C10orf90: variants seen among roughly 807,000 people sequenced by gnomAD.
C10orf90 encodes chromosome 10 open reading frame 90.
In C10orf90, 56 loss-of-function variants were observed where a neutral mutation model predicts 62.5. The ratio of observed to expected loss-of-function variants is 0.90; its 90% CI spans 0.72 to 1.12. The LOEUF (loss-of-function observed/expected upper bound fraction) is 1.12, where lower values mean the gene tolerates loss of function less well. Among genes scored for constraint, C10orf90 ranks in the 50% most tolerant of loss-of-function variants. C10orf90 has a pLI of 0.00. For missense variants in C10orf90, 970 were observed against 880.4 expected (o/e 1.10, Z -1.29); for synonymous variants, 386 against 340.4 (o/e 1.13, Z -1.47).
At chr10:126,498,857 G>A (rs529070934) in intron 4 of C10orf90, among the ~76,000 whole-genome samples, 32 of 152,294 alleles carry the variant, frequency 2.1e-4, no homozygotes, top group African/African-American at 3.9e-4. Flanking sequence ...TGACTGCACC[G>A]CAGAACACCT....
At chr10:126,551,530 A>AG (rs1478218265) in intron 2 of C10orf90, among the ~76,000 whole-genome samples, 1 of 151,756 alleles carries the variant, frequency 6.6e-6, no homozygotes, top group Non-Finnish European at 1.5e-5. Context: ...TGAGTGTGGG[A>AG]AAAAAAAATT....
At chr10:126,580,538 A>AGCTACTC (rs1440535268) in intron 2 of C10orf90, among the ~76,000 whole-genome samples, 1 of 151,856 alleles carries the variant, frequency 6.6e-6, no homozygotes. Flanking sequence ...CTGTAGTCCC[A>AGCTACTC]GCTACTCGGG....
At chr10:126,513,776 G>T (rs2133919017) in intron 3 of C10orf90, 72 bp downstream of exon 3, 1 of 917,646 alleles carries the variant, frequency 1.1e-6, no homozygotes, top group Non-Finnish European at 1.8e-6. Flanking sequence ...CACATCACAA[G>T]TAGGTCAGTG....
intron 2 of C10orf90, among the ~76,000 whole-genome samples, chr10:126,544,274 G>A (rs1864440432): frequency 6.6e-6 from 1 of 152,158 alleles, no homozygotes; most frequent in Admixed American, 6.5e-5. Flanking sequence ...GACCATGACT[G>A]TAAATATCAT....
intron 2 of C10orf90, among the ~76,000 whole-genome samples, chr10:126,567,502 G>A (rs1352459036): frequency 6.6e-6 from 1 of 152,072 alleles, no homozygotes; most frequent in Non-Finnish European, 1.5e-5. Context: ...AAACCATATC[G>A]GGAGGCATGA....
chr10:126,509,731 G>C (rs1591041737), intron 3 of C10orf90, among the ~76,000 whole-genome samples: 1 of 152,242 alleles, frequency 6.6e-6, no homozygotes, highest in East Asian at 1.9e-4. Context: ...GGAAACACTG[G>C]CGGACTCTTT....
At chr10:126,581,411 TGACGTG>T (rs879792639) in intron 2 of C10orf90, among the ~76,000 whole-genome samples, 2 of 152,146 alleles carry the variant, frequency 1.3e-5, no homozygotes, top group Non-Finnish European at 2.9e-5. Flanking sequence ...AACGGCCCAG[TGACGTG>T]GACTGCATGC....
chr10:126,592,341 CAG>C (rs759260818), intron 2 of C10orf90, among the ~76,000 whole-genome samples: 5 of 152,154 alleles, frequency 3.3e-5, no homozygotes, highest in Non-Finnish European at 7.3e-5. Flanking sequence ...GGTACAAAAA[CAG>C]AGACATAGAC....
intron 4 of C10orf90, among the ~76,000 whole-genome samples, chr10:126,480,390 G>A (rs17154849): frequency 0.37 from 56,150 of 152,130 alleles, 11,450 homozygotes; most frequent in African/African-American, 0.56. Context: ...TCAGTCTTCT[G>A]TTGGCTTTAA....
At chr10:126,473,671 G>A (rs1380228123) in intron 4 of C10orf90, among the ~76,000 whole-genome samples, 2 of 151,866 alleles carry the variant, frequency 1.3e-5, no homozygotes, top group Non-Finnish European at 2.9e-5. Context: ...CAATAGATAC[G>A]CTCTTACATT....
chr10:126,577,410 CAA>C (rs200713782), intron 2 of C10orf90, among the ~76,000 whole-genome samples: 1 of 144,374 alleles, frequency 6.9e-6, no homozygotes, highest in Non-Finnish European at 1.5e-5. Context: ...GAATAGAAAA[CAA>C]AAAAAAAATC....
intron 4 of C10orf90, among the ~76,000 whole-genome samples, chr10:126,501,641 C>T (rs997564337): frequency 3.3e-5 from 5 of 152,182 alleles, no homozygotes; most frequent in African/African-American, 1.2e-4. Context: ...TATCACTCCT[C>T]CACATTCACT....
At chr10:126,537,471 C>T (rs1469195686) in intron 2 of C10orf90, among the ~76,000 whole-genome samples, 5 of 152,150 alleles carry the variant, frequency 3.3e-5, no homozygotes, top group Admixed American at 6.5e-5. Flanking sequence ...ACAGCTGCTG[C>T]CTGCAGCTAC....
intron 4 of C10orf90, among the ~76,000 whole-genome samples, chr10:126,500,274 T>A (rs1461109875): frequency 6.6e-6 from 1 of 152,160 alleles, no homozygotes; most frequent in Non-Finnish European, 1.5e-5. Context: ...ACCATCTTAA[T>A]TGCCCTGCCT....
intron 2 of C10orf90, among the ~76,000 whole-genome samples, chr10:126,627,871 C>T (rs892217596): frequency 2.6e-5 from 4 of 152,148 alleles, no homozygotes; most frequent in Non-Finnish European, 5.9e-5. Context: ...TATCGGCATG[C>T]GCCTCTGTGC....
chr10:126,637,113 G>A (rs1359147624), intron 2 of C10orf90, among the ~76,000 whole-genome samples: 3 of 152,148 alleles, frequency 2.0e-5, no homozygotes, highest in Non-Finnish European at 4.4e-5. Context: ...GCCCAACTTG[G>A]ACTTCTGCAG....
At position 126,461,589 on chromosome 10, in the gene C10orf90, G is replaced by T. The variant is rs1002217993; in HGVS notation, c.1826-4C>A. 1.3e-5 allele frequency: 21 copies of T among 1,610,960 alleles called. No individual in the cohort carries two copies. Among genetic ancestry groups the T allele is most frequent in the Non-Finnish European group, 1.7e-5 (20 of 1,179,236 alleles). On this transcript the variant is annotated splice_region_variant and splice_polypyrimidine_tract_variant and intron_variant, in intron 5 of 9. Coordinates refer to ENST00000488181, the MANE Select transcript of C10orf90 (RefSeq NM_001350921.2). The stretch of plus-strand genomic sequence containing the variant: ...AAGTCACAGCATGTGTAATCTCCTA[G>T]GAGAGAAGATTTAGAATCCCATTTA...
At position 126,503,947 on chromosome 10, in the gene C10orf90, C is replaced by G; in HGVS notation, c.1534+10G>C. 2 of 1,600,630 alleles carry G rather than the reference C, an allele frequency of 1.2e-6. No individual in the cohort carries two copies. The highest frequency in any genetic ancestry group is 8.5e-7 in the Non-Finnish European group (1 of 1,173,404). On this transcript the variant is annotated intron_variant, in intron 4 of 9. Transcript: ENST00000488181. ...CAGGTCACCCTCCTGCAGATGGACG[C>G]ACCACTCACCTGCCCTGTAACTCCA...
intron 2 of C10orf90, among the ~76,000 whole-genome samples, chr10:126,536,846 C>T (rs973199729): frequency 5.9e-5 from 9 of 152,156 alleles, no homozygotes; most frequent in Admixed American, 5.9e-4. Context: ...TTGTGCTTCC[C>T]CTAAAACATG....
Sources: allele counts gnomAD v4.1 joint callset (sites outside exome capture counted in the v4.1 genomes callset), GRCh38; gene constraint gnomAD v4.1.1; transcripts MANE v1.5; gene names NCBI Gene and HGNC (gene_info 2026-07-23, HGNC 2026-07-21).